Variants in SLC26A11 observed in about 807,000 individuals in gnomAD.
SLC26A11 encodes sodium-independent sulfate anion transporter.
SLC26A11 carries 58 observed loss-of-function variants against 62.2 expected under a neutral mutation model. The ratio of observed to expected loss-of-function variants is 0.93; its 90% CI spans 0.76 to 1.16. The LOEUF (loss-of-function observed/expected upper bound fraction) is 1.16. SLC26A11 is among the 50% of genes most tolerant of loss of function. The pLI, the probability that SLC26A11 is intolerant of heterozygous loss-of-function variation, is 0.00. For synonymous variants in SLC26A11, 411 were observed against 368.9 expected, an observed-to-expected ratio of 1.11 and a Z score of -1.31; for missense variants, 790 against 794.3, an observed-to-expected ratio of 0.99 and a Z score of 0.06.
At chr17:80,225,506 C>A (rs950137173) in intron 5 of SLC26A11, 16 of 262,588 alleles carry the variant, frequency 6.1e-5, no homozygotes, top group Non-Finnish European at 6.7e-5. Flanking sequence ...CAGCCCATGG[C>A]CCCTGGCCAT....
chr17:80,241,715 C>G, intron 9 of SLC26A11, 56 bp from the exon 10 acceptor site: 1 of 1,566,804 alleles, frequency 6.4e-7, no homozygotes, highest in Non-Finnish European at 8.8e-7. Context: ...TTTGTGAATA[C>G]TTTTTGAGCG....
chr17:80,240,535 G>A (rs1002402105), intron 9 of SLC26A11, among the ~76,000 whole-genome samples: 3 of 152,136 alleles, frequency 2.0e-5, no homozygotes, highest in African/African-American at 7.2e-5. Context: ...GGGTGCAGTG[G>A]CTCACGTCTG....
At position 80,227,890 on chromosome 17, in the gene SLC26A11, G is replaced by A. The variant is rs777225274; in HGVS notation, c.666G>A (p.Val222=). Residue 222 remains valine, a synonymous_variant, in exon 7 of 18, where the codon GTG becomes GTA. Transcript: ENST00000361193. ...TGCTGAAGCTGATGCGGGACCACGT[G>A]CCTCCCGTCCACCCCGAGATGCCCC... ...LLVLKLMRDH[V]PPVHPEMPPG... 6.2e-7 allele frequency: 1 copy of A among 1,602,042 alleles called. No homozygotes were observed. Among genetic ancestry groups the A allele is most frequent in the Admixed American group, 1.7e-5 (1 of 60,010 alleles).
Position 80,248,567 on chromosome 17 carries a change from C to T in SLC26A11, c.1423-8C>T, listed in dbSNP as rs2043072718. The T allele has an allele frequency of 1.3e-6, 2 of 1,570,690 alleles. No homozygotes were observed. The highest frequency in any genetic ancestry group is 1.4e-5 in the African/African-American group (1 of 73,932). ...AGACCCGCCTCCAGGACTCACTCCT[C>T]CCCACAGGTGTCAGAGGGGCCGGTT... On this transcript the variant is annotated splice_polypyrimidine_tract_variant and splice_region_variant and intron_variant, in intron 14 of 17. Coordinates refer to ENST00000361193, the MANE Select transcript of SLC26A11 (RefSeq NM_001166347.2).
Position 80,237,107 on chromosome 17 carries a change from G to C in SLC26A11, c.912+4G>C. 1 of 1,605,388 alleles carries C rather than the reference G, an allele frequency of 6.2e-7. No individual in the cohort carries two copies. The highest frequency in any genetic ancestry group is 1.3e-5 in the African/African-American group (1 of 74,872). On this transcript the variant is annotated splice_donor_region_variant and intron_variant, in intron 8 of 17. Transcript: ENST00000361193. ...CTCCTTCACCGAGATGGTGCAGGTG[G>C]GCGGAGCCGGGAGGCAGGATGGCGT...
Position 80,246,174 on chromosome 17 carries a change from C to A in SLC26A11, c.1118C>A (p.Ser373Ter), listed in dbSNP as rs374707575. The A allele has an allele frequency of 1.2e-6, 2 of 1,612,910 alleles. No homozygotes were observed. The highest frequency in any genetic ancestry group is 2.2e-5 in the East Asian group (1 of 44,886). ...TCCAGGACAGCCGTGAACGCTCAGT[C>A]GGGGGTGTGCACCCCGGCGGGGGGC... Reference protein sequence around the residue: ...SFGRTAVNAQSGVCTPAGGLV... With the variant: ...SFGRTAVNAQ The change falls in exon 12 of 18, where the codon TCG (serine) becomes TAG (stop). Residue 373 changes from serine to a stop codon, truncating the protein, a stop_gained. Transcript: ENST00000361193. LOFTEE classifies it high-confidence loss of function. The surrounding 1 kb of genome is among the most constrained non-coding windows in gnomAD (Gnocchi z 4.4).
intron 10 of SLC26A11, among the ~76,000 whole-genome samples, chr17:80,244,434 C>T (rs948118760): frequency 2.0e-5 from 3 of 152,172 alleles, no homozygotes; most frequent in African/African-American, 4.8e-5. Context: ...GTTTGTCTTA[C>T]GGGCACTTTA....
Position 80,222,425 on chromosome 17 carries a change from C to T in SLC26A11, c.235-230C>T. On this transcript the variant is annotated intron_variant, in intron 3 of 17. Transcript: ENST00000361193. The surrounding 1 kb of genome is among the most constrained non-coding windows in gnomAD (Gnocchi z 4.7). ...CTCAGACTTGGACACAGCACACGGG[C>T]CTGCACCGACCCCTCTGCCTGGCTG... 1.8e-6 allele frequency: 1 copy of T among 570,086 alleles called. No individual in the cohort carries two copies. Among genetic ancestry groups the T allele is most frequent in the South Asian group, 2.3e-5 (1 of 43,820 alleles). The allele number at this position is 570,086 out of a possible 1,614,324, so 35.3% of individuals were successfully genotyped here. A position where few individuals can be genotyped will look rare whatever the true frequency, so the allele number is the denominator to read the frequency against.
chr17:80,245,950 T>G (rs113755168), intron 11 of SLC26A11, among the ~76,000 whole-genome samples: 35 of 152,310 alleles, frequency 2.3e-4, no homozygotes, highest in Admixed American at 1.8e-3. Flanking sequence ...TTCCTGAGCT[T>G]CTTCCTATAG....
Position 80,246,397 on chromosome 17 carries a change from C to T in SLC26A11, c.1154-112C>T, listed in dbSNP as rs934214000. On this transcript the variant is annotated intron_variant, in intron 12 of 17. Transcript: ENST00000361193. This position sits in a 1 kb window ranked among gnomAD's most constrained non-coding sequence, Gnocchi z 4.4. Reference sequence around the variant, plus strand: ...AGGGGCTGGGGGCCTTGGCAGTCGTCGCCCTACCCCCACCCCTGTCCCCAG... The same window carrying T: ...AGGGGCTGGGGGCCTTGGCAGTCGTTGCCCTACCCCCACCCCTGTCCCCAG... The T allele has an allele frequency of 4.7e-6, 7 of 1,481,482 alleles. No individual in the cohort carries two copies. Among genetic ancestry groups the T allele is most frequent in the South Asian group, 2.5e-5 (2 of 79,240 alleles). The allele number at this position is 1,481,482 out of a possible 1,614,324, so 91.8% of individuals were successfully genotyped here.
At chr17:80,239,391 CT>C (rs576920538) in intron 9 of SLC26A11, among the ~76,000 whole-genome samples, 8,024 of 131,514 alleles carry the variant, frequency 0.061, 268 homozygotes, top group Middle Eastern at 0.13. Flanking sequence ...CCAGTAATTT[CT>C]TTTTTTTTTT....
At chr17:80,250,601 G>T (rs2043130394) in intron 16 of SLC26A11, among the ~76,000 whole-genome samples, 1 of 152,112 alleles carries the variant, frequency 6.6e-6, no homozygotes, top group African/African-American at 2.4e-5. Flanking sequence ...ACTTTGAGAG[G>T]CCGAGGCGGG....
chr17:80,230,392 A>G (rs1048819237), intron 7 of SLC26A11, among the ~76,000 whole-genome samples: 1 of 152,086 alleles, frequency 6.6e-6, no homozygotes. Context: ...ACGTAGGGCC[A>G]TGTCAGAGGA....
In SLC26A11 at chr17:80,237,028, G is replaced by T. The variant is rs764796608; in HGVS notation, c.837G>T (p.Gly279=). ...PFILTGETAE[G]LPPVRIPPFS... is the part of the protein sequence containing the mutation. ...TCCTAACAGGGGAGACAGCTGAGGG[G>T]CTCCCTCCAGTCCGGATCCCGCCCT... The change falls in exon 8 of 18, where the codon GGG becomes GGT. Residue 279 remains glycine, a synonymous_variant. Coordinates refer to ENST00000361193, the MANE Select transcript of SLC26A11 (RefSeq NM_001166347.2). 6.2e-7 allele frequency: 1 copy of T among 1,614,096 alleles called. No individual in the cohort carries two copies. The highest frequency in any genetic ancestry group is 1.7e-5 in the Admixed American group (1 of 60,020).
rs778916160 is a variant in SLC26A11 at position 80,248,698 on chromosome 17, G to A, written c.1522+24G>A. 20 of 1,551,382 alleles carry A rather than the reference G, an allele frequency of 1.3e-5. No individual in the cohort carries two copies. Among genetic ancestry groups the A allele is most frequent in the Non-Finnish European group, 1.7e-5 (20 of 1,146,642 alleles). ...AGGTGCATGGGCGGGGGTCAAGGTG[G>A]TCTGAGGTCACTCCCCTGTCCTCTG... is the stretch of plus-strand genomic sequence containing the variant. On this transcript the variant is annotated intron_variant, in intron 15 of 17. Transcript: ENST00000361193.
At position 80,221,577 on chromosome 17, in the gene SLC26A11, C is replaced by T. The variant is rs1186384730; in HGVS notation, c.17C>T (p.Thr6Met). MPSSVTALGQARSSGP... is the reference protein window; with the variant it reads MPSSVMALGQARSSGP... ...ACCGTAGAGATGCCTTCTTCGGTGA[C>T]GGCGCTGGGTCAGGCCAGGTCCTCT... The change falls in exon 3 of 18, where the codon ACG (threonine) becomes ATG (methionine). Residue 6 changes from threonine (T) to methionine (M), a missense_variant. Thr to Met is a moderately conservative substitution (Grantham distance 81). Coordinates refer to ENST00000361193, the MANE Select transcript of SLC26A11 (RefSeq NM_001166347.2). The T allele has an allele frequency of 3.8e-6, 6 of 1,596,910 alleles. No individual in the cohort carries two copies. Among genetic ancestry groups the T allele is most frequent in the African/African-American group, 1.3e-5 (1 of 74,808 alleles).
chr17:80,234,862 T>C (rs900955252), intron 7 of SLC26A11, among the ~76,000 whole-genome samples: 31 of 151,986 alleles, frequency 2.0e-4, no homozygotes, highest in Non-Finnish European at 4.3e-4. Context: ...CTTTTTTTTT[T>C]TTTTTAAGAT....
intron 10 of SLC26A11, among the ~76,000 whole-genome samples, chr17:80,244,219 G>A (rs1031150308): frequency 2.6e-5 from 4 of 152,256 alleles, no homozygotes; most frequent in Non-Finnish European, 4.4e-5. Flanking sequence ...GCTGGTGGGA[G>A]CGTGGGTCAA....
chr17:80,220,624 G>A (rs979452298), intron 1 of SLC26A11, 128 bp downstream of exon 1: 15 of 299,750 alleles, frequency 5.0e-5, no homozygotes, highest in African/African-American at 1.1e-4. Flanking sequence ...GGCCTCCCGT[G>A]GGGACCACTC....
Sources: allele counts gnomAD v4.1 joint callset (sites outside exome capture counted in the v4.1 genomes callset), GRCh38; gene constraint gnomAD v4.1.1; non-coding constraint Gnocchi (gnomAD v3.1); transcripts MANE v1.5; gene names NCBI Gene and HGNC (gene_info 2026-07-23, HGNC 2026-07-21).